MKLN1: variants seen among roughly 807,000 people sequenced by gnomAD.
MKLN1 encodes the protein muskelin 1, also known as muskelin.
Under a neutral mutation model 99.0 loss-of-function variants are expected in MKLN1, and 18 were observed. The observed-to-expected ratio is 0.18, with a 90% CI of 0.13 to 0.27. The LOEUF is 0.27. MKLN1 is among the 10% of genes least tolerant of loss of function. The pLI is 1.00. For missense variants in MKLN1, 621 were observed against 875.9 expected, an observed-to-expected ratio of 0.71 and a Z score of 3.67; for synonymous variants, 288 against 293.2, an observed-to-expected ratio of 0.98 and a Z score of 0.18.
chr7:131,429,664 C>T (rs1012395687), intron 9 of MKLN1, among the ~76,000 whole-genome samples: 11 of 152,068 alleles, frequency 7.2e-5, no homozygotes, highest in South Asian at 2.1e-4. Flanking sequence ...CTGCAAGCTC[C>T]GCCTCCCAGG....
At chr7:131,256,292 T>C (rs1163514054) in intron 3 of MKLN1, among the ~76,000 whole-genome samples, 1 of 152,190 alleles carries the variant, frequency 6.6e-6, no homozygotes, top group Admixed American at 6.5e-5. Flanking sequence ...TCTGAGATAA[T>C]TTATTGCTAG....
At chr7:131,295,625 C>A (rs765398802) in intron 3 of MKLN1, among the ~76,000 whole-genome samples, 1 of 151,980 alleles carries the variant, frequency 6.6e-6, no homozygotes, top group Non-Finnish European at 1.5e-5. Context: ...GTAGTTCACG[C>A]CTATAATCCC....
At chr7:131,375,721 A>G (rs894129509) in intron 2 of MKLN1, among the ~76,000 whole-genome samples, 2 of 152,080 alleles carry the variant, frequency 1.3e-5, no homozygotes, top group African/African-American at 2.4e-5. Context: ...ACTTCTGTCT[A>G]CCAGAACAGT....
intron 1 of MKLN1, among the ~76,000 whole-genome samples, chr7:131,140,501 G>A (rs926735341): frequency 4.6e-5 from 7 of 151,916 alleles, no homozygotes; most frequent in Admixed American, 3.3e-4. Context: ...GTGAGTTCTC[G>A]CTCTATTAGT....
At chr7:131,418,391 A>G (rs969058294) in intron 8 of MKLN1, among the ~76,000 whole-genome samples, 15 of 151,714 alleles carry the variant, frequency 9.9e-5, no homozygotes, top group Admixed American at 2.0e-4. Flanking sequence ...AAAAAAAAAA[A>G]AGAGAGATAA....
intron 1 of MKLN1, among the ~76,000 whole-genome samples, chr7:131,331,091 C>G (rs1330998334): frequency 3.3e-5 from 5 of 152,056 alleles, no homozygotes; most frequent in Non-Finnish European, 5.9e-5. Flanking sequence ...AATAATGATG[C>G]TAGTTACAAT....
chr7:131,430,228 G>A (rs1795483355), intron 9 of MKLN1, among the ~76,000 whole-genome samples: 1 of 152,052 alleles, frequency 6.6e-6, no homozygotes, highest in Non-Finnish European at 1.5e-5. Context: ...ATCTAGTGCT[G>A]TGTCGTTAAT....
intron 3 of MKLN1, among the ~76,000 whole-genome samples, chr7:131,270,861 C>A (rs1563273937): frequency 1.3e-5 from 2 of 148,392 alleles, no homozygotes; most frequent in Non-Finnish European, 1.5e-5. Context: ...CTTGAATCAC[C>A]TTTTTTTTTT....
rs72068521 is a variant in MKLN1 at position 131,247,235 on chromosome 7, C to CTTTTTTTTTTTTTT, written c.-179+44262_-179+44275dup. Among the ~76,000 whole-genome samples the CTTTTTTTTTTTTTT allele has an allele frequency of 1.3e-4, 19 of 141,166 alleles. 1 individual carries two copies. Among genetic ancestry groups the CTTTTTTTTTTTTTT allele is most frequent in the East Asian group, 2.1e-4 (1 of 4,660 alleles). 92.6% of individuals were successfully genotyped at this position (141,166 alleles called of 152,430 possible). Reference sequence around the variant, plus strand: ...TTACCTTTTCTTCTTTTTCTTTTTTCTTTTTTTTTTTTTTGTCACCATGGC... The same window carrying CTTTTTTTTTTTTTT: ...TTACCTTTTCTTCTTTTTCTTTTTTCTTTTTTTTTTTTTTTTTTTTTTTTTTTTGTCACCATGGC... On this transcript the variant is annotated intron_variant, in intron 3 of 7. Transcript: ENST00000416992.
intron 12 of MKLN1, among the ~76,000 whole-genome samples, chr7:131,457,956 G>T (rs1371892773): frequency 6.6e-6 from 1 of 152,090 alleles, no homozygotes; most frequent in Non-Finnish European, 1.5e-5. Flanking sequence ...AAATAATGGA[G>T]ATACATTTCT....
At chr7:131,240,328 A>G (rs1797383536) in intron 3 of MKLN1, among the ~76,000 whole-genome samples, 1 of 152,226 alleles carries the variant, frequency 6.6e-6, no homozygotes, top group South Asian at 2.1e-4. Context: ...CAGACTGTGA[A>G]GCTGCTCTAG....
Position 131,437,833 on chromosome 7 carries a change from C to A in MKLN1, c.1009C>A (p.Arg337=). The A allele has an allele frequency of 6.2e-7, 1 of 1,612,966 alleles. No homozygotes were observed. Among genetic ancestry groups the A allele is most frequent in the Non-Finnish European group, 8.5e-7 (1 of 1,179,630 alleles). The part of the protein sequence containing the change: ...SCHKMCIDIQ[R]RQIYTLGRYL... ...TCATAAAATGTGCATTGATATTCAA[C>A]GGAGGCAAATCTACACATTGGGGCG... Residue 337 remains arginine, a synonymous_variant, in exon 10 of 18, where the codon CGG becomes AGG. Coordinates refer to ENST00000352689, the MANE Select transcript of MKLN1 (RefSeq NM_013255.5).
intron 15 of MKLN1, among the ~76,000 whole-genome samples, chr7:131,468,702 G>A (rs1233937679): frequency 6.6e-6 from 1 of 152,146 alleles, no homozygotes. Flanking sequence ...GTTAATTTAG[G>A]AACAGGGCAG....
At chr7:131,177,329 G>A (rs778678712) in intron 2 of MKLN1, among the ~76,000 whole-genome samples, 8 of 151,976 alleles carry the variant, frequency 5.3e-5, no homozygotes, top group African/African-American at 7.3e-5. Flanking sequence ...TTAGCCAGAC[G>A]TGGTGGCGCG....
chr7:131,171,828 A>G (rs1796220822), intron 2 of MKLN1, among the ~76,000 whole-genome samples: 2 of 152,244 alleles, frequency 1.3e-5, no homozygotes. Context: ...CAACATTGAC[A>G]AAGAACAGAT....
At chr7:131,290,025 G>T (rs1419261285) in intron 3 of MKLN1, among the ~76,000 whole-genome samples, 1 of 152,168 alleles carries the variant, frequency 6.6e-6, no homozygotes, top group Non-Finnish European at 1.5e-5. Context: ...GCAATTCTTG[G>T]CCAGGTGCGG....
intron 3 of MKLN1, among the ~76,000 whole-genome samples, chr7:131,234,120 C>T (rs1448870141): frequency 6.6e-6 from 1 of 152,072 alleles, no homozygotes; most frequent in East Asian, 1.9e-4. Flanking sequence ...GCTGGGATTA[C>T]AGGCACCTGC....
In MKLN1 at chr7:131,494,315, A is replaced by T. The variant is rs1797495510; in HGVS notation, c.*6587A>T. The stretch of plus-strand genomic sequence containing the variant: ...GGCGTGTAGAATAAATCCCAATCCC[A>T]TTGCAACTGGCAGAGCTTTATAAAT... On this transcript the variant is annotated 3_prime_UTR_variant, in exon 18 of 18. Coordinates refer to ENST00000352689, the MANE Select transcript of MKLN1 (RefSeq NM_013255.5). 1 of 152,166 alleles carries T rather than the reference A, an allele frequency of 6.6e-6. No homozygotes were observed. Among genetic ancestry groups the T allele is most frequent in the South Asian group, 2.1e-4 (1 of 4,836 alleles). The allele number at this position is 152,166 out of a possible 1,614,324, so 9.4% of individuals were successfully genotyped here. A position where few individuals can be genotyped will look rare whatever the true frequency, so the allele number is the denominator to read the frequency against.
At chr7:131,482,361 AT>A (rs200770948) in intron 17 of MKLN1, among the ~76,000 whole-genome samples, 7 of 151,292 alleles carry the variant, frequency 4.6e-5, no homozygotes, top group African/African-American at 9.7e-5. Flanking sequence ...TGCTGAGCTA[AT>A]TTTTTTTTCC....
Sources: allele counts gnomAD v4.1 joint callset (sites outside exome capture counted in the v4.1 genomes callset), GRCh38; gene constraint gnomAD v4.1.1; transcripts MANE v1.5; gene names NCBI Gene and HGNC (gene_info 2026-07-23, HGNC 2026-07-21).